The following MSH5 variants were observed in gnomAD, a reference collection of about 807,000 sequenced individuals.
MSH5 encodes mutS protein homolog 5.
A neutral mutation model predicts 107.7 loss-of-function variants in MSH5; 78 were observed. The observed-to-expected ratio is 0.72, with a 90% CI of 0.60 to 0.87. The LOEUF (loss-of-function observed/expected upper bound fraction) is 0.87, where lower values mean the gene tolerates loss of function less well. Among genes scored for constraint, MSH5 ranks in the 40% least tolerant of loss-of-function variants. The probability of loss-of-function intolerance (pLI) is 0.00; values close to 1 mark genes in which losing one functional copy is unlikely to be tolerated. For missense variants in MSH5, 889 were observed against 1,046.6 expected (o/e 0.85, Z 2.08); for synonymous variants, 326 against 399.5 (o/e 0.82, Z 2.19).
At position 31,761,778 on chromosome 6, in the gene MSH5, G is replaced by C. The variant is rs931870524; in HGVS notation, c.2182-40G>C. On this transcript the variant is annotated intron_variant, in intron 22 of 24. Transcript: ENST00000375750. The surrounding 1 kb of genome is among the most constrained non-coding windows in gnomAD (Gnocchi z 5.3). ...TGGCCAAGGGTTTCAGGACAGGAAG[G>C]AGGTGATTGATGATACACTGTCTTT... is the stretch of plus-strand genomic sequence containing the variant. The C allele has an allele frequency of 6.2e-7, 1 of 1,613,112 alleles. No individual in the cohort carries two copies.
At chr6:31,746,492 G>A (rs1391203704) in intron 9 of MSH5, among the ~76,000 whole-genome samples, 1 of 152,048 alleles carries the variant, frequency 6.6e-6, no homozygotes, top group East Asian at 1.9e-4. Context: ...AGGCTGGAGT[G>A]CAGTGGTACA....
Position 31,745,237 on chromosome 6 carries a change from T to G in MSH5, c.684T>G (p.Ser228Arg). 6.2e-7 allele frequency: 1 copy of G among 1,607,468 alleles called. No homozygotes were observed. Among genetic ancestry groups the G allele is most frequent in the Non-Finnish European group, 8.5e-7 (1 of 1,173,988 alleles). ...HLVNIDQDTY[S>R]VLQIFKSESH... is the part of the protein sequence containing the mutation. ...AAACTCCTCCATTTCTCCTCGACAG[T>G]GTTCTACAGATTTTTAAGAGTGAGT... Residue 228 changes from serine to arginine, a missense_variant and splice_region_variant, in exon 9 of 25, where the codon AGT becomes AGG. Around this residue, in one of 3 missense-constraint regions of MSH5, gnomAD observed 518 missense variants for 565.0 expected, o/e 0.92. Coordinates refer to ENST00000375750, the MANE Select transcript of MSH5 (RefSeq NM_172166.4).
At position 31,758,050 on chromosome 6, in the gene MSH5, C is replaced by T; in HGVS notation, c.1015-115C>T. 1 of 1,309,448 alleles carries T rather than the reference C, an allele frequency of 7.6e-7. No individual in the cohort carries two copies. Among genetic ancestry groups the T allele is most frequent in the Non-Finnish European group, 1.1e-6 (1 of 933,768 alleles). 81.1% of individuals were successfully genotyped at this position (1,309,448 alleles called of 1,614,324 possible). A position where few individuals can be genotyped will look rare whatever the true frequency, so the allele number is the denominator to read the frequency against. ...TGTTTCTTTTTGCCTTTGAGATCTT[C>T]CCTCTTTGTTACTGTGATCTTCCCT... On this transcript the variant is annotated intron_variant, in intron 12 of 24. Coordinates refer to ENST00000375750, the MANE Select transcript of MSH5 (RefSeq NM_172166.4). The surrounding 1 kb of genome is among the most constrained non-coding windows in gnomAD (Gnocchi z 5.1).
intron 10 of MSH5, among the ~76,000 whole-genome samples, chr6:31,750,263 A>G (rs1244165435): frequency 2.6e-5 from 4 of 152,240 alleles, no homozygotes; most frequent in Non-Finnish European, 5.9e-5. Context: ...TCTAACGTAC[A>G]AAAAGATGTA....
At chr6:31,754,911 C>G (rs1432637436) in intron 12 of MSH5, among the ~76,000 whole-genome samples, 1 of 151,682 alleles carries the variant, frequency 6.6e-6, no homozygotes, top group Non-Finnish European at 1.5e-5. Context: ...GCCACCATGC[C>G]CAAGTTTTTT....
rs139002853 is a variant in MSH5 at position 31,759,122 on chromosome 6, G to A, written c.1352G>A (p.Arg451His). The change falls in exon 16 of 25, where the codon CGC (arginine) becomes CAC (histidine). Residue 451 changes from arginine (R) to histidine (H), a missense_variant. Arg to His is a conservative substitution (Grantham distance 29). Coordinates refer to ENST00000375750, the MANE Select transcript of MSH5 (RefSeq NM_172166.4). This position sits in a 1 kb window ranked among gnomAD's most constrained non-coding sequence, Gnocchi z 4.7. The part of the protein sequence containing the change: ...PLIGFLLSIP[R>H]LPSMVEASDF... ...ATTGGCTTCCTTCTTTCTATTCCCC[G>A]CCTGCCTTCCATGGTAGAGGCCAGT... 19 of 1,612,890 alleles carry A rather than the reference G, an allele frequency of 1.2e-5. No homozygotes were observed. The highest frequency in any genetic ancestry group is 1.7e-4 in the Middle Eastern group (1 of 6,056).
chr6:31,741,219 T>C lies in MSH5; in HGVS notation c.204T>C (p.Thr68=), dbSNP rs764650480. Residue 68 remains threonine, a synonymous_variant, in exon 3 of 25, where the codon ACT becomes ACC. Coordinates refer to ENST00000375750, the MANE Select transcript of MSH5 (RefSeq NM_172166.4). ...SGYLGIAYYD[T]SDSTIHFMPD... The stretch of plus-strand genomic sequence containing the variant: ...ACTTGGGCATTGCCTACTATGATAC[T>C]AGTGACTCCACTATCCACTTCATGC... The C allele has an allele frequency of 4.0e-5, 64 of 1,612,826 alleles. No homozygotes were observed. The highest frequency in any genetic ancestry group is 4.7e-5 in the Non-Finnish European group (55 of 1,179,978).
intron 10 of MSH5, among the ~76,000 whole-genome samples, chr6:31,752,762 C>G (rs1810081969): frequency 6.6e-6 from 1 of 151,764 alleles, no homozygotes; most frequent in Non-Finnish European, 1.5e-5. Context: ...GTTGAAGCCC[C>G]TTAAATGTCC....
chr6:31,741,192 A>C lies in MSH5; in HGVS notation c.177A>C (p.Gly59=). The C allele has an allele frequency of 6.2e-7, 1 of 1,612,894 alleles. No homozygotes were observed. The highest frequency in any genetic ancestry group is 1.1e-5 in the South Asian group (1 of 91,074). ...EIHLCVLWNS[G]YLGIAYYDTS... The stretch of plus-strand genomic sequence containing the variant: ...ATCTGTGTGTGCTGTGGAATTCAGG[A>C]TACTTGGGCATTGCCTACTATGATA... Residue 59 remains glycine, a synonymous_variant, in exon 3 of 25, where the codon GGA becomes GGC. Coordinates refer to ENST00000375750, the MANE Select transcript of MSH5 (RefSeq NM_172166.4).
chr6:31,758,156 C>T lies in MSH5; in HGVS notation c.1015-9C>T, dbSNP rs1810614869. 3 of 1,612,782 alleles carry T rather than the reference C, an allele frequency of 1.9e-6. No homozygotes were observed. Among genetic ancestry groups the T allele is most frequent in the South Asian group, 2.2e-5 (2 of 91,042 alleles). ...GTGGCCTGTCCTCCTTTTTGTGTTT[C>T]TCTCACAGACTGTGTACAGTGCCCT... On this transcript the variant is annotated splice_polypyrimidine_tract_variant and intron_variant, in intron 12 of 24. Coordinates refer to ENST00000375750, the MANE Select transcript of MSH5 (RefSeq NM_172166.4). This position sits in a 1 kb window ranked among gnomAD's most constrained non-coding sequence, Gnocchi z 5.1.
chr6:31,761,675 G>T lies in MSH5; in HGVS notation c.2181+60G>T. 6.2e-7 allele frequency: 1 copy of T among 1,613,332 alleles called. No homozygotes were observed. On this transcript the variant is annotated intron_variant, in intron 22 of 24. Transcript: ENST00000375750. This position sits in a 1 kb window ranked among gnomAD's most constrained non-coding sequence, Gnocchi z 5.3. ...AGGCTGGGCATTTCCCAGAGGTGGG[G>T]ATTGGCTCCTCTATCAGAACAAGGG...
Position 31,759,010 on chromosome 6 carries a change from G to T in MSH5, c.1327-87G>T. 7.0e-7 allele frequency: 1 copy of T among 1,436,822 alleles called. No homozygotes were observed. The highest frequency in any genetic ancestry group is 9.8e-7 in the Non-Finnish European group (1 of 1,020,340). The allele number at this position is 1,436,822 out of a possible 1,614,324, so 89.0% of individuals were successfully genotyped here. On this transcript the variant is annotated intron_variant, in intron 15 of 24. Coordinates refer to ENST00000375750, the MANE Select transcript of MSH5 (RefSeq NM_172166.4). This position sits in a 1 kb window ranked among gnomAD's most constrained non-coding sequence, Gnocchi z 4.7. ...TGAACACTTTTTTGTGGGGATACAG[G>T]GATCTTTTAAGCTCCCTCTAGGGTG... is the stretch of plus-strand genomic sequence containing the variant.
intron 12 of MSH5, chr6:31,756,493 T>C (rs1810457528): frequency 6.6e-6 from 1 of 152,132 alleles, no homozygotes; most frequent in Admixed American, 6.5e-5. Flanking sequence ...CTTTAGCAAT[T>C]ACAAAGTAGT....
At chr6:31,743,365 G>C (rs1809096546) in intron 5 of MSH5, 195 bp downstream of exon 5, 6 of 632,006 alleles carry the variant, frequency 9.5e-6, no homozygotes, top group Middle Eastern at 2.5e-4. Context: ...TTATTGGGAA[G>C]CCTCTGCTTA....
rs759177002 is a variant in MSH5 at position 31,760,299 on chromosome 6, C to A, written c.1812+83C>A. The A allele has an allele frequency of 8.0e-6, 12 of 1,496,236 alleles. No individual in the cohort carries two copies. In the Admixed American group the frequency reaches 9.1e-5, roughly 11 times the overall value. 92.7% of individuals were successfully genotyped at this position (1,496,236 alleles called of 1,614,324 possible). A position where few individuals can be genotyped will look rare whatever the true frequency, so the allele number is the denominator to read the frequency against. ...ACTTGCCAGCCAACTCAGGCTCCTG[C>A]AGCTCTTCTCCCATTTTCTGACCCC... On this transcript the variant is annotated intron_variant, in intron 19 of 24. Transcript: ENST00000375750. The surrounding 1 kb of genome is among the most constrained non-coding windows in gnomAD (Gnocchi z 5.6).
chr6:31,747,324 A>G, intron 9 of MSH5, 63 bp from the exon 10 acceptor site: 1 of 1,575,722 alleles, frequency 6.3e-7, no homozygotes, highest in Non-Finnish European at 8.7e-7. Flanking sequence ...TTAGACACAT[A>G]AACACATTCC....
Position 31,758,721 on chromosome 6 carries a change from G to A in MSH5, c.1217-45G>A, listed in dbSNP as rs1163088614. The A allele has an allele frequency of 2.5e-6, 4 of 1,609,500 alleles. No homozygotes were observed. In the Admixed American group the frequency reaches 6.7e-5, roughly 27 times the overall value. ...GCTGGGGATCTTCATAGCAACCAGG[G>A]CAGGAGACTCACTTTTGATAACCAC... On this transcript the variant is annotated intron_variant, in intron 14 of 24. Coordinates refer to ENST00000375750, the MANE Select transcript of MSH5 (RefSeq NM_172166.4). The surrounding 1 kb of genome is among the most constrained non-coding windows in gnomAD (Gnocchi z 5.1).
chr6:31,744,389 AC>A, intron 7 of MSH5, 90 bp downstream of exon 7: 1 of 1,575,940 alleles, frequency 6.3e-7, no homozygotes, highest in Non-Finnish European at 8.7e-7. Flanking sequence ...TGTGGCTGTG[AC>A]CCAGTGGGTC....
chr6:31,753,392 A>G lies in MSH5; in HGVS notation c.904A>G (p.Met302Val), dbSNP rs1347323946. 3.1e-6 allele frequency: 5 copies of G among 1,614,040 alleles called. No homozygotes were observed. The highest frequency in any genetic ancestry group is 1.6e-4 in the Middle Eastern group (1 of 6,084). The change falls in exon 11 of 25, where the codon ATG becomes GTG. Residue 302 changes from methionine (M) to valine (V), a missense_variant. By Grantham distance (21) the Met-to-Val change is conservative. This residue lies in a region of MSH5 where 518 missense variants were observed against 565.0 expected (regional missense o/e 0.92). Coordinates refer to ENST00000375750, the MANE Select transcript of MSH5 (RefSeq NM_172166.4). ...QFFLLPQNLD[M>V]AQMLHRLLGH... ...TTTTCTGCTGCCCCAGAATCTGGAC[A>G]TGGCTCAGATGCTGCATCGGCTCCT...
Sources: allele counts gnomAD v4.1 joint callset (sites outside exome capture counted in the v4.1 genomes callset), GRCh38; gene constraint gnomAD v4.1.1; regional missense constraint gnomAD v4.1.1; non-coding constraint Gnocchi (gnomAD v3.1); transcripts MANE v1.5; gene names NCBI Gene and HGNC (gene_info 2026-07-23, HGNC 2026-07-21).